The following NEBL variants were observed in gnomAD, a reference collection of about 807,000 sequenced individuals.
NEBL encodes the protein LIM and SH3 protein 2.
A neutral mutation model predicts 140.2 loss-of-function variants in NEBL; 122 were observed. That is an observed-to-expected ratio of 0.87 (90% CI 0.75 to 1.01). NEBL has a LOEUF of 1.01. Among genes scored for constraint, NEBL ranks in the 50% least tolerant of loss-of-function variants. The pLI is 0.00. For missense variants in NEBL, 1,365 were observed against 1,231.3 expected (o/e 1.11, Z -1.62); for synonymous variants, 436 against 398.9 (o/e 1.09, Z -1.11).
chr10:21,204,631 T>C (rs1484541035), intron 3 of NEBL, among the ~76,000 whole-genome samples: 4 of 152,182 alleles, frequency 2.6e-5, no homozygotes, highest in South Asian at 2.1e-4. Flanking sequence ...TTCCAGGCTG[T>C]GGGATTCTGT....
intron 2 of NEBL, among the ~76,000 whole-genome samples, chr10:21,154,228 G>A (rs1473380147): frequency 2.0e-5 from 3 of 152,014 alleles, no homozygotes; most frequent in Admixed American, 2.0e-4. Flanking sequence ...GAAGGCCGAA[G>A]CAGGAAGATC....
intron 4 of NEBL, among the ~76,000 whole-genome samples, chr10:20,921,290 C>T (rs975026357): frequency 7.9e-5 from 12 of 152,120 alleles, no homozygotes; most frequent in Non-Finnish European, 1.3e-4. Context: ...CATTTGCCTC[C>T]GGCCCAGCTC....
intron 3 of NEBL, among the ~76,000 whole-genome samples, chr10:21,202,189 A>G (rs1030336053): frequency 6.6e-6 from 1 of 152,194 alleles, no homozygotes; most frequent in African/African-American, 2.4e-5. Flanking sequence ...TGTCTAGATT[A>G]AATGTGAATA....
intron 3 of NEBL, among the ~76,000 whole-genome samples, chr10:21,186,114 T>C (rs1270346041): frequency 6.6e-6 from 1 of 152,136 alleles, no homozygotes; most frequent in East Asian, 1.9e-4. Flanking sequence ...GTTTTAAATT[T>C]TAAGACTTCA....
intron 2 of NEBL, among the ~76,000 whole-genome samples, chr10:21,116,372 ATCTC>A (rs1424656206): frequency 6.6e-6 from 1 of 151,932 alleles, no homozygotes; most frequent in Non-Finnish European, 1.5e-5. Context: ...GGTAATCTGT[ATCTC>A]TCTCTTCTTC....
chr10:20,909,701 A>G (rs900853991), intron 4 of NEBL, among the ~76,000 whole-genome samples: 3 of 152,214 alleles, frequency 2.0e-5, no homozygotes, highest in Non-Finnish European at 2.9e-5. Flanking sequence ...GATAATTTAC[A>G]GAATAACTCA....
intron 9 of NEBL, among the ~76,000 whole-genome samples, chr10:20,857,232 T>C (rs1843166105): frequency 6.6e-6 from 1 of 152,190 alleles, no homozygotes; most frequent in African/African-American, 2.4e-5. Flanking sequence ...TACAAAATAA[T>C]AAACATACAT....
At position 21,288,818 on chromosome 10, in the gene NEBL, G is replaced by GTCTATATATATATATATATA. The variant is rs757155594; in HGVS notation, n.182+4011_182+4012insTATATATATATATATATAGA. On this transcript the variant is annotated intron_variant and non_coding_transcript_variant, in intron 1 of 8. Coordinates refer to the NEBL transcript ENST00000675702. ...CATCTGACAATATATACGTGTGTGTGTGTATATATATATATATATATATAT... is the reference window on the plus strand; with the variant it reads ...CATCTGACAATATATACGTGTGTGTGTCTATATATATATATATATATGTATATATATATATATATATATAT... Among the ~76,000 whole-genome samples the GTCTATATATATATATATATA allele has an allele frequency of 2.1e-4, 7 of 32,666 alleles. 1 individual carries two copies. In the East Asian group the frequency reaches 0.014, roughly 65 times the overall value. The allele number at this position is 32,666 out of a possible 152,430, so 21.4% of individuals were successfully genotyped here.
intron 1 of NEBL, among the ~76,000 whole-genome samples, chr10:21,267,639 C>T (rs1258610615): frequency 1.3e-5 from 2 of 152,024 alleles, no homozygotes; most frequent in Admixed American, 1.3e-4. Context: ...TACATGTTCC[C>T]GACAGTGTGG....
chr10:21,117,815 G>A (rs1281854360), intron 2 of NEBL, among the ~76,000 whole-genome samples: 3 of 151,824 alleles, frequency 2.0e-5, no homozygotes, highest in Admixed American at 6.6e-5. Context: ...TATAAAACAG[G>A]CTCTAGAGTC....
At chr10:20,925,836 T>C (rs749640690) in intron 4 of NEBL, among the ~76,000 whole-genome samples, 1 of 152,166 alleles carries the variant, frequency 6.6e-6, no homozygotes, top group East Asian at 1.9e-4. Context: ...TAACGACATT[T>C]TGGGCAGTTT....
At chr10:21,255,864 C>T (rs1842652742) in intron 1 of NEBL, among the ~76,000 whole-genome samples, 1 of 151,610 alleles carries the variant, frequency 6.6e-6, no homozygotes, top group African/African-American at 2.4e-5. Context: ...AGGCGTGGGT[C>T]CCAGCTACTC....
intron 3 of NEBL, among the ~76,000 whole-genome samples, chr10:21,247,482 T>TA (rs1285659000): frequency 1.3e-5 from 2 of 151,952 alleles, no homozygotes; most frequent in African/African-American, 4.8e-5. Context: ...ATCACAGGAG[T>TA]AGGGCAGCTC....
intron 18 of NEBL, among the ~76,000 whole-genome samples, chr10:20,824,270 T>A (rs921311984): frequency 6.6e-5 from 10 of 152,166 alleles, no homozygotes; most frequent in Non-Finnish European, 1.5e-5. Flanking sequence ...ACATGAAACA[T>A]GTTTCAGAAA....
In NEBL at chr10:20,998,121, T is replaced by C. The variant is rs541634100; in HGVS notation, c.249+21996A>G. On this transcript the variant is annotated intron_variant, in intron 3 of 6. Transcript: ENST00000417816. ...TTTTAAACCTAAAATGTCATATCAC[T>C]GATACGATACGGTATGGAAATCACA... Among the ~76,000 whole-genome samples, 15 of 152,290 alleles carry C rather than the reference T, an allele frequency of 9.8e-5. No homozygotes were observed. In the South Asian group the frequency reaches 2.9e-3, roughly 29 times the overall value.
At position 21,015,197 on chromosome 10, in the gene NEBL, G is replaced by A. The variant is rs201159572; in HGVS notation, c.249+4920C>T. 9.2e-5 allele frequency among the ~76,000 whole-genome samples: 14 copies of A among 152,222 alleles called. No individual in the cohort carries two copies. In the East Asian group the frequency reaches 2.5e-3, roughly 27 times the overall value. ...AAAACCATGCTCTACAGAAGACCAG[G>A]TTTCCTTAAGGCTCTGGGGGTGGGA... On this transcript the variant is annotated intron_variant, in intron 3 of 6. Transcript: ENST00000417816.
intron 2 of NEBL, among the ~76,000 whole-genome samples, chr10:21,156,655 T>G (rs1174050298): frequency 1.3e-5 from 2 of 152,122 alleles, no homozygotes; most frequent in Non-Finnish European, 2.9e-5. Context: ...TACAAAAGTC[T>G]ATTTCACTCA....
At chr10:20,932,518 C>A (rs1275638047) in intron 4 of NEBL, among the ~76,000 whole-genome samples, 2 of 152,122 alleles carry the variant, frequency 1.3e-5, no homozygotes, top group Non-Finnish European at 2.9e-5. Flanking sequence ...TGCAGCAAAC[C>A]ACCATGGCAC....
At chr10:21,004,344 T>C (rs970276333) in intron 3 of NEBL, among the ~76,000 whole-genome samples, 1 of 151,816 alleles carries the variant, frequency 6.6e-6, no homozygotes, top group African/African-American at 2.4e-5. Context: ...AAGAGTAAAA[T>C]TTTGGAAAAA....
Sources: allele counts gnomAD v4.1 joint callset (sites outside exome capture counted in the v4.1 genomes callset), GRCh38; gene constraint gnomAD v4.1.1; transcripts MANE v1.5; gene names NCBI Gene and HGNC (gene_info 2026-07-23, HGNC 2026-07-21).